The following CAP2 variants were observed in gnomAD, a reference collection of about 807,000 sequenced individuals.
CAP2 encodes adenylyl cyclase-associated protein 2.
In CAP2, 24 loss-of-function variants were observed where a neutral mutation model predicts 57.7. The observed-to-expected ratio is 0.42, with a 90% CI of 0.30 to 0.58. CAP2 has a LOEUF of 0.58. Among genes scored for constraint, CAP2 ranks in the 20% least tolerant of loss-of-function variants. The probability of loss-of-function intolerance (pLI) is 0.22; values close to 1 mark genes in which losing one functional copy is unlikely to be tolerated. For missense variants in CAP2, 501 were observed against 590.3 expected (o/e 0.85, Z 1.57); for synonymous variants, 194 against 207.2 (o/e 0.94, Z 0.55).
chr6:17,520,435 T>C (rs761724447), intron 7 of CAP2, among the ~76,000 whole-genome samples: 3 of 152,114 alleles, frequency 2.0e-5, no homozygotes, highest in Non-Finnish European at 4.4e-5. Flanking sequence ...TTCTTAATAA[T>C]ACGGGTTTTA....
At chr6:17,479,948 C>G (rs1328292663) in intron 4 of CAP2, among the ~76,000 whole-genome samples, 1 of 151,928 alleles carries the variant, frequency 6.6e-6, no homozygotes, top group African/African-American at 2.4e-5. Flanking sequence ...TACAAGCTTG[C>G]TTTTTAAAAA....
chr6:17,507,661 T>C lies in CAP2; in HGVS notation c.465T>C (p.Tyr155=), dbSNP rs1762025771. The C allele has an allele frequency of 1.2e-6, 2 of 1,608,754 alleles. No homozygotes were observed. The highest frequency in any genetic ancestry group is 8.5e-7 in the Non-Finnish European group (1 of 1,175,358). ...WIAVSPKPGP[Y]VKEMNDAATF... ...CTCAGTCTCCCAAACCTGGTCCTTA[T>C]GTCAAGGAGATGAATGACGCTGCCA... The change falls in exon 6 of 13, where the codon TAT becomes TAC. Residue 155 remains tyrosine (Y), a synonymous_variant. Coordinates refer to ENST00000229922, the MANE Select transcript of CAP2 (RefSeq NM_006366.3).
intron 3 of CAP2, among the ~76,000 whole-genome samples, chr6:17,453,902 T>TTTC (rs201747254): frequency 0.27 from 12,092 of 45,162 alleles, 1,870 homozygotes; most frequent in African/African-American, 0.51. Context: ...CTTTTTATTC[T>TTTC]TTTTTTTTTT....
intron 3 of CAP2, among the ~76,000 whole-genome samples, chr6:17,427,610 A>G (rs1467774698): frequency 1.7e-5 from 2 of 120,190 alleles, no homozygotes; most frequent in Admixed American, 1.5e-4. Flanking sequence ...TGGCTCCTCA[A>G]AAAAAAAAAA....
chr6:17,549,685 G>A (rs1379596297), intron 11 of CAP2, among the ~76,000 whole-genome samples: 1 of 152,156 alleles, frequency 6.6e-6, no homozygotes, highest in East Asian at 1.9e-4. Context: ...TACTTTGCGT[G>A]GTGCTAGGTT....
chr6:17,399,834 C>T (rs996149961), intron 1 of CAP2, among the ~76,000 whole-genome samples: 1 of 152,030 alleles, frequency 6.6e-6, no homozygotes, highest in African/African-American at 2.4e-5. Context: ...AAGGAGGGTT[C>T]CAAGAGGCTG....
chr6:17,531,363 T>A (rs1320227944), intron 7 of CAP2: 5 of 1,576,316 alleles, frequency 3.2e-6, no homozygotes, highest in Non-Finnish European at 1.7e-6. Context: ...CTGATCCTGA[T>A]GACAAACGCC....
At chr6:17,495,688 C>A (rs1561804427) in intron 4 of CAP2, among the ~76,000 whole-genome samples, 1 of 152,098 alleles carries the variant, frequency 6.6e-6, no homozygotes, top group Non-Finnish European at 1.5e-5. Context: ...CATCTCAGCT[C>A]AAGACTCGAA....
intron 1 of CAP2, among the ~76,000 whole-genome samples, chr6:17,405,110 T>C (rs1214322245): frequency 6.6e-6 from 1 of 152,064 alleles, no homozygotes; most frequent in Non-Finnish European, 1.5e-5. Context: ...AGGCCGGGTG[T>C]AGTGGGGCAC....
intron 1 of CAP2, among the ~76,000 whole-genome samples, chr6:17,417,682 C>T (rs1759321145): frequency 6.6e-6 from 1 of 152,218 alleles, no homozygotes; most frequent in African/African-American, 2.4e-5. Flanking sequence ...TATCCTTTGA[C>T]CTTTCCTTGC....
chr6:17,539,180 A>G, intron 7 of CAP2, 89 bp from the exon 8 acceptor site: 1 of 1,227,732 alleles, frequency 8.1e-7, no homozygotes. Flanking sequence ...CCACTCTCTC[A>G]TTGGCAGCAG....
At chr6:17,399,062 T>G (rs1260879839) in intron 1 of CAP2, among the ~76,000 whole-genome samples, 2 of 152,126 alleles carry the variant, frequency 1.3e-5, no homozygotes, top group Non-Finnish European at 2.9e-5. Flanking sequence ...TTTTGCTACA[T>G]GAGCTTTGTT....
intron 4 of CAP2, among the ~76,000 whole-genome samples, chr6:17,476,839 C>T (rs1761158917): frequency 6.8e-6 from 1 of 146,882 alleles, no homozygotes; most frequent in Admixed American, 6.8e-5. Flanking sequence ...CTTCTCTGAA[C>T]TGCTTTGGTC....
At chr6:17,411,945 C>A (rs1759151671) in intron 1 of CAP2, among the ~76,000 whole-genome samples, 1 of 152,140 alleles carries the variant, frequency 6.6e-6, no homozygotes, top group East Asian at 1.9e-4. Context: ...TATAGAGGGG[C>A]CTGGGGAATG....
intron 4 of CAP2, among the ~76,000 whole-genome samples, chr6:17,489,681 T>C (rs1355123896): frequency 6.6e-6 from 1 of 152,030 alleles, no homozygotes; most frequent in Non-Finnish European, 1.5e-5. Context: ...CTTCTTGAAA[T>C]GTGTTGCCTT....
intron 3 of CAP2, among the ~76,000 whole-genome samples, chr6:17,453,118 C>T (rs1453305054): frequency 1.3e-5 from 2 of 152,154 alleles, no homozygotes; most frequent in Admixed American, 6.5e-5. Context: ...TTCATTCTTC[C>T]ATCTGCTCAG....
At chr6:17,469,082 T>G (rs1198180514) in intron 4 of CAP2, among the ~76,000 whole-genome samples, 1 of 152,236 alleles carries the variant, frequency 6.6e-6, no homozygotes, top group East Asian at 1.9e-4. Context: ...GTGTTAACAA[T>G]TTTAACCATG....
At chr6:17,506,993 C>T (rs1362586293) in intron 4 of CAP2, among the ~76,000 whole-genome samples, 176 bp from the exon 5 acceptor site, 3 of 152,148 alleles carry the variant, frequency 2.0e-5, no homozygotes, top group African/African-American at 7.2e-5. Context: ...AGTAAAAGCA[C>T]GGCATTACCA....
intron 1 of CAP2, among the ~76,000 whole-genome samples, chr6:17,397,491 G>A (rs1026662469): frequency 7.3e-5 from 11 of 151,720 alleles, no homozygotes; most frequent in Admixed American, 6.6e-5. Flanking sequence ...TCAGGAGATC[G>A]AGACCATCCT....
Sources: gnomAD v4.1 joint callset for allele counts (sites outside exome capture counted in the v4.1 genomes callset) on GRCh38, gnomAD v4.1.1 for gene constraint, MANE v1.5 for transcripts, NCBI Gene and HGNC (gene_info 2026-07-23, HGNC 2026-07-21) for gene names.